The following SLC39A11 variants were observed in gnomAD, a reference collection of about 807,000 sequenced individuals.
The protein encoded by SLC39A11 is zinc transporter ZIP11.
In SLC39A11, 33 loss-of-function variants were observed where a neutral mutation model predicts 36.1. The observed-to-expected ratio is 0.91, with a 90% CI of 0.69 to 1.22. SLC39A11 has a LOEUF of 1.22. Among genes scored for constraint, SLC39A11 ranks in the 50% most tolerant of loss-of-function variants. The pLI is 0.00. For synonymous variants in SLC39A11, 166 were observed against 170.3 expected (o/e 0.97, Z 0.20); for missense variants, 432 against 430.3 (o/e 1.00, Z -0.03).
intron 5 of SLC39A11, among the ~76,000 whole-genome samples, chr17:72,892,409 CAAA>C (rs565811065): frequency 9.1e-5 from 6 of 65,724 alleles, no homozygotes; most frequent in South Asian, 5.5e-4. Context: ...GACTCCATCT[CAAA>C]AAAAAAAAAA....
chr17:73,054,029 G>A (rs1165179010), intron 3 of SLC39A11, among the ~76,000 whole-genome samples: 1 of 152,086 alleles, frequency 6.6e-6, no homozygotes, highest in African/African-American at 2.4e-5. Context: ...GGGGGGTCTG[G>A]AAAAATCAAG....
chr17:73,018,456 G>T (rs959266709), intron 4 of SLC39A11, among the ~76,000 whole-genome samples: 2 of 152,040 alleles, frequency 1.3e-5, no homozygotes, highest in Non-Finnish European at 2.9e-5. Flanking sequence ...GCTGAGGCAG[G>T]AGAATCACTT....
intron 5 of SLC39A11, among the ~76,000 whole-genome samples, chr17:72,874,968 A>G (rs899605731): frequency 6.6e-6 from 1 of 152,224 alleles, no homozygotes; most frequent in Non-Finnish European, 1.5e-5. Flanking sequence ...CAGTGGCTGC[A>G]GGTTGAATAA....
intron 4 of SLC39A11, among the ~76,000 whole-genome samples, chr17:73,006,175 G>A (rs2090170000): frequency 6.6e-6 from 1 of 152,112 alleles, no homozygotes; most frequent in Admixed American, 6.6e-5. Context: ...CATGAGATGA[G>A]ATTAAAAGTG....
intron 7 of SLC39A11, among the ~76,000 whole-genome samples, chr17:72,656,673 CAG>C (rs2070139004): frequency 6.6e-6 from 1 of 152,008 alleles, no homozygotes; most frequent in Non-Finnish European, 1.5e-5. Flanking sequence ...CTCATGGAGG[CAG>C]AGTTTGCCTC....
At chr17:72,902,190 A>T (rs12452069) in intron 5 of SLC39A11, among the ~76,000 whole-genome samples, 89,958 of 151,618 alleles carry the variant, frequency 0.59, 27,524 homozygotes, top group African/African-American at 0.74. Context: ...ATAATCGCTT[A>T]AACCTGGGAG....
At chr17:72,887,462 T>A (rs2081493800) in intron 5 of SLC39A11, among the ~76,000 whole-genome samples, 1 of 152,352 alleles carries the variant, frequency 6.6e-6, no homozygotes, top group East Asian at 1.9e-4. Flanking sequence ...TCATCTTTCT[T>A]GTGCCTGTGT....
intron 6 of SLC39A11, among the ~76,000 whole-genome samples, chr17:72,739,322 T>C (rs185747433): frequency 6.9e-4 from 105 of 152,204 alleles, no homozygotes; most frequent in African/African-American, 2.4e-3. Context: ...AGACAGGATT[T>C]TACCGTGTTG....
At chr17:72,810,082 AAC>A (rs1034766159) in intron 6 of SLC39A11, among the ~76,000 whole-genome samples, 44 of 56,474 alleles carry the variant, frequency 7.8e-4, no homozygotes, top group African/African-American at 3.1e-3. Context: ...AAACAAAAAC[AAC>A]AAAAAAAAAA....
chr17:72,879,608 ACCCT>A (rs2081093126), intron 5 of SLC39A11, among the ~76,000 whole-genome samples: 1 of 152,164 alleles, frequency 6.6e-6, no homozygotes, highest in Non-Finnish European at 1.5e-5. Context: ...TACTAAAACC[ACCCT>A]CACAGGGTGA....
chr17:72,656,857 TC>T (rs2070149818), intron 7 of SLC39A11, among the ~76,000 whole-genome samples: 1 of 152,042 alleles, frequency 6.6e-6, no homozygotes, highest in African/African-American at 2.4e-5. Flanking sequence ...TTTTTAAACA[TC>T]GAAGGCCGGG....
intron 5 of SLC39A11, among the ~76,000 whole-genome samples, chr17:72,915,210 C>T (rs1416450853): frequency 3.3e-5 from 5 of 152,070 alleles, no homozygotes; most frequent in African/African-American, 9.7e-5. Context: ...CTGAAGATGC[C>T]TCTCCTGTGC....
At chr17:73,062,475 A>AAAAAAAAAAAAAAAAACAAAC (rs56021607) in intron 3 of SLC39A11, among the ~76,000 whole-genome samples, 1 of 87,034 alleles carries the variant, frequency 1.1e-5, no homozygotes, top group Non-Finnish European at 2.1e-5. Flanking sequence ...AAAAAAAAAA[A>AAAAAAAAAAAAAAAAACAAAC]AAACTTTAGG....
At chr17:72,764,802 G>T (rs1487056055) in intron 6 of SLC39A11, among the ~76,000 whole-genome samples, 2 of 152,186 alleles carry the variant, frequency 1.3e-5, no homozygotes, top group African/African-American at 2.4e-5. Context: ...ATCAGTGCTG[G>T]TGGGGAGTTC....
At chr17:72,718,192 A>T (rs1159942855) in intron 7 of SLC39A11, among the ~76,000 whole-genome samples, 1 of 152,152 alleles carries the variant, frequency 6.6e-6, no homozygotes, top group African/African-American at 2.4e-5. Flanking sequence ...TCATGCCTGT[A>T]ATCTCAGCAT....
Position 72,891,310 on chromosome 17 carries a change from C to T in SLC39A11, c.431-41506G>A, listed in dbSNP as rs543495196. Among the ~76,000 whole-genome samples, 343 of 152,204 alleles carry T rather than the reference C, an allele frequency of 2.3e-3. 1 individual carries two copies. Among genetic ancestry groups the T allele is most frequent in the Non-Finnish European group, 4.1e-3 (276 of 68,004 alleles). On this transcript the variant is annotated intron_variant, in intron 5 of 9. Coordinates refer to ENST00000255559, the MANE Select transcript of SLC39A11 (RefSeq NM_139177.4). Reference sequence around the variant, plus strand: ...GTGGCACATGCCTGTAATCCCAGCTCCTCAGGAGGCTGAGGCACGAGAATC... The same window carrying T: ...GTGGCACATGCCTGTAATCCCAGCTTCTCAGGAGGCTGAGGCACGAGAATC...
chr17:72,831,881 G>C (rs535282228), intron 6 of SLC39A11, among the ~76,000 whole-genome samples: 1 of 152,330 alleles, frequency 6.6e-6, no homozygotes, highest in East Asian at 1.9e-4. Context: ...GCTGAGAGTA[G>C]AGCTTAAGTT....
At chr17:73,037,263 T>A (rs2058951397) in intron 3 of SLC39A11, among the ~76,000 whole-genome samples, 1 of 152,350 alleles carries the variant, frequency 6.6e-6, no homozygotes, top group South Asian at 2.1e-4. Context: ...AGTGGAATTG[T>A]TGGATCCTAT....
intron 3 of SLC39A11, among the ~76,000 whole-genome samples, chr17:73,055,622 A>G (rs1029658918): frequency 6.6e-6 from 1 of 151,374 alleles, no homozygotes; most frequent in African/African-American, 2.4e-5. Flanking sequence ...GAAATGAGGG[A>G]AGGCGGGTAG....
Sources: gnomAD v4.1 joint callset for allele counts (sites outside exome capture counted in the v4.1 genomes callset) on GRCh38, gnomAD v4.1.1 for gene constraint, MANE v1.5 for transcripts, NCBI Gene and HGNC (gene_info 2026-07-23, HGNC 2026-07-21) for gene names.